The following TSPAN9 variants were observed in gnomAD, a reference collection of about 807,000 sequenced individuals.
The protein encoded by TSPAN9 is tetraspanin-9.
In TSPAN9, 16 loss-of-function variants were observed where a neutral mutation model predicts 31.0. The observed-to-expected ratio is 0.52, with a 90% CI of 0.35 to 0.78. TSPAN9 has a LOEUF of 0.78. Ranked by LOEUF, TSPAN9 falls within the 30% of genes least tolerant of loss-of-function variation. The probability of loss-of-function intolerance (pLI) is 0.01; values close to 1 mark genes in which losing one functional copy is unlikely to be tolerated. For synonymous variants in TSPAN9, 145 were observed against 121.6 expected (o/e 1.19, Z -1.27); for missense variants, 272 against 312.5 (o/e 0.87, Z 0.98).
chr12:3,185,594 G>T (rs2098360823), intron 2 of TSPAN9, among the ~76,000 whole-genome samples: 1 of 152,206 alleles, frequency 6.6e-6, no homozygotes, highest in Non-Finnish European at 1.5e-5. Context: ...TAGTGAGTTT[G>T]CTTCCCTACC....
chr12:3,105,409 A>G (rs1424459964), intron 2 of TSPAN9, among the ~76,000 whole-genome samples: 1 of 150,040 alleles, frequency 6.7e-6, no homozygotes, highest in East Asian at 2.0e-4. Context: ...TGAGGAAGTA[A>G]GGAAGATATT....
chr12:3,259,951 T>C (rs1426733441), intron 3 of TSPAN9, among the ~76,000 whole-genome samples: 1 of 152,154 alleles, frequency 6.6e-6, no homozygotes, highest in South Asian at 2.1e-4. Context: ...ATGGATGGAC[T>C]GGAGATGGGA....
chr12:3,122,600 G>A (rs12830084), intron 2 of TSPAN9, among the ~76,000 whole-genome samples: 27,854 of 151,876 alleles, frequency 0.18, 2,644 homozygotes, highest in Middle Eastern at 0.24. Flanking sequence ...TGAATCTTTT[G>A]TCTGAGCCTA....
At chr12:3,098,134 C>T (rs2098310058) in intron 2 of TSPAN9, among the ~76,000 whole-genome samples, 1 of 152,226 alleles carries the variant, frequency 6.6e-6, no homozygotes, top group South Asian at 2.1e-4. Flanking sequence ...TCAGGGCCCC[C>T]AGCTGGCCTG....
intron 3 of TSPAN9, among the ~76,000 whole-genome samples, chr12:3,248,901 C>T (rs1862193170): frequency 1.3e-5 from 2 of 152,216 alleles, no homozygotes; most frequent in Admixed American, 6.5e-5. Context: ...ACCACCTGCC[C>T]AGCTCCCAGG....
chr12:3,191,572 T>C (rs2098364435), intron 2 of TSPAN9, among the ~76,000 whole-genome samples: 1 of 152,172 alleles, frequency 6.6e-6, no homozygotes, highest in Admixed American at 6.5e-5. Context: ...GCTTTGTTCC[T>C]TAGGTGGCAC....
At chr12:3,214,488 G>A (rs2098380330) in intron 3 of TSPAN9, among the ~76,000 whole-genome samples, 3 of 152,152 alleles carry the variant, frequency 2.0e-5, no homozygotes, top group Admixed American at 6.5e-5. Flanking sequence ...CTGGGTTCCA[G>A]GGTGGACGAA....
intron 3 of TSPAN9, among the ~76,000 whole-genome samples, chr12:3,220,629 G>T (rs1436509205): frequency 1.3e-5 from 2 of 152,212 alleles, no homozygotes; most frequent in African/African-American, 4.8e-5. Flanking sequence ...TGTTTTCCTG[G>T]GACCCACTGG....
intron 2 of TSPAN9, among the ~76,000 whole-genome samples, chr12:3,191,113 A>G (rs1165793356): frequency 6.6e-6 from 1 of 151,870 alleles, no homozygotes; most frequent in Non-Finnish European, 1.5e-5. Flanking sequence ...AGGCGGAGGG[A>G]GCATCCAGTG....
intron 2 of TSPAN9, among the ~76,000 whole-genome samples, chr12:3,109,182 C>A (rs564111103): frequency 6.6e-6 from 1 of 151,562 alleles, no homozygotes; most frequent in Non-Finnish European, 1.5e-5. Context: ...GTGATCCGCC[C>A]GCCTTGGCCT....
chr12:3,244,908 T>A (rs563540911), intron 3 of TSPAN9, among the ~76,000 whole-genome samples: 6 of 152,262 alleles, frequency 3.9e-5, no homozygotes, highest in Admixed American at 1.3e-4. Flanking sequence ...TCTCTCAGCA[T>A]CCAGTATTGT....
chr12:3,158,937 C>G (rs571204367), intron 2 of TSPAN9, among the ~76,000 whole-genome samples: 13 of 151,822 alleles, frequency 8.6e-5, no homozygotes, highest in Non-Finnish European at 1.8e-4. Context: ...ACGTACTCCT[C>G]CTTTGCCCGG....
At chr12:3,224,635 G>C (rs947944222) in intron 3 of TSPAN9, among the ~76,000 whole-genome samples, 2 of 152,242 alleles carry the variant, frequency 1.3e-5, no homozygotes, top group African/African-American at 4.8e-5. Flanking sequence ...CAGGATCCGC[G>C]TGGTTGATGC....
At chr12:3,095,486 G>A (rs1235214667) in intron 2 of TSPAN9, among the ~76,000 whole-genome samples, 2 of 107,230 alleles carry the variant, frequency 1.9e-5, no homozygotes, top group African/African-American at 7.8e-5. Flanking sequence ...CGGGGCGGCT[G>A]GCCGGGCGGG....
At chr12:3,079,188 A>G (rs545495151) in intron 1 of TSPAN9, among the ~76,000 whole-genome samples, 1 of 152,220 alleles carries the variant, frequency 6.6e-6, no homozygotes, top group Non-Finnish European at 1.5e-5. Flanking sequence ...CATGTTGACC[A>G]GGCTGGTCTT....
At chr12:3,124,354 G>A (rs112158682) in intron 2 of TSPAN9, among the ~76,000 whole-genome samples, 189 of 152,028 alleles carry the variant, frequency 1.2e-3, no homozygotes, top group African/African-American at 4.5e-3. Context: ...TTTCATTGCA[G>A]CACTATTTAT....
intron 2 of TSPAN9, among the ~76,000 whole-genome samples, chr12:3,091,890 C>A (rs2098304899): frequency 6.6e-6 from 1 of 152,158 alleles, no homozygotes; most frequent in Non-Finnish European, 1.5e-5. Context: ...TGGCCTAGCA[C>A]TGCAGCACCC....
chr12:3,099,714 G>A (rs550227463), intron 2 of TSPAN9, among the ~76,000 whole-genome samples: 2 of 152,286 alleles, frequency 1.3e-5, no homozygotes, highest in South Asian at 4.1e-4. Flanking sequence ...TTTGAGGTTT[G>A]CTGTTAAGCT....
chr12:3,223,969 G>A (rs1182274275), intron 3 of TSPAN9, among the ~76,000 whole-genome samples: 2 of 152,280 alleles, frequency 1.3e-5, no homozygotes, highest in East Asian at 3.9e-4. Flanking sequence ...ATCTGGACAC[G>A]GGAAAGCTCC....
Sources: allele counts gnomAD v4.1 joint callset (sites outside exome capture counted in the v4.1 genomes callset), GRCh38; gene constraint gnomAD v4.1.1; transcripts MANE v1.5; gene names NCBI Gene and HGNC (gene_info 2026-07-23, HGNC 2026-07-21).